The following C10orf71 variants were observed in gnomAD, a reference collection of about 807,000 sequenced individuals.
The protein encoded by C10orf71 is cardiac-enriched FHL2-interacting protein.
For synonymous variants in C10orf71, 758 were observed against 726.3 expected, an observed-to-expected ratio of 1.04 and a Z score of -0.70; for missense variants, 1,869 against 1,804.5, an observed-to-expected ratio of 1.04 and a Z score of -0.65.
At chr10:49,319,565 AC>A (rs1849055994) in intron 2 of C10orf71, among the ~76,000 whole-genome samples, 1 of 151,842 alleles carries the variant, frequency 6.6e-6, no homozygotes, top group Non-Finnish European at 1.5e-5. Flanking sequence ...ATATTTGCAC[AC>A]CTACATTTGT....
Position 49,322,570 on chromosome 10 carries a change from A to C in C10orf71, c.25A>C (p.Thr9Pro). The change falls in exon 3 of 3, where the codon ACA becomes CCA. Residue 9 changes from threonine (T) to proline (P), a missense_variant. Transcript: ENST00000374144. MMQGNKKC[T>P]DAFSDSSSIG... ...GATGATGCAAGGAAATAAGAAGTGC[A>C]CAGACGCGTTCAGCGACTCCTCCAG... 3 of 1,611,228 alleles carry C rather than the reference A, an allele frequency of 1.9e-6. No homozygotes were observed. Among genetic ancestry groups the C allele is most frequent in the Non-Finnish European group, 1.7e-6 (2 of 1,178,586 alleles).
intron 1 of C10orf71, among the ~76,000 whole-genome samples, chr10:49,313,942 C>T (rs566371885): frequency 1.4e-3 from 215 of 152,120 alleles, no homozygotes; most frequent in African/African-American, 4.6e-3. Flanking sequence ...CAATCGCCTG[C>T]GTGGTGACTG....
intron 1 of C10orf71, among the ~76,000 whole-genome samples, chr10:49,304,982 C>T (rs531243635): frequency 6.6e-6 from 1 of 152,326 alleles, no homozygotes; most frequent in South Asian, 2.1e-4. Context: ...GACTGAGGCT[C>T]ACACAAGTTA....
At chr10:49,306,339 G>A (rs956102103) in intron 1 of C10orf71, among the ~76,000 whole-genome samples, 11 of 152,204 alleles carry the variant, frequency 7.2e-5, no homozygotes, top group African/African-American at 1.7e-4. Flanking sequence ...GGGCACAGCC[G>A]GGCTGATTTT....
chr10:49,324,864 G>A lies in C10orf71; in HGVS notation c.2319G>A (p.Val773=). The part of the protein sequence containing the change: ...GDSQKDEKEN[V]MRKDELQYCA... ...GTCAGAAGGATGAGAAGGAGAATGT[G>A]ATGCGGAAGGATGAGCTGCAGTACT... Residue 773 remains valine, a synonymous_variant, in exon 3 of 3, where the codon GTG becomes GTA. Coordinates refer to ENST00000374144, the MANE Select transcript of C10orf71 (RefSeq NM_001135196.2). 6.4e-7 allele frequency: 1 copy of A among 1,551,874 alleles called. No homozygotes were observed. The highest frequency in any genetic ancestry group is 1.2e-5 in the South Asian group (1 of 84,062).
intron 1 of C10orf71, among the ~76,000 whole-genome samples, chr10:49,305,670 CAG>C (rs1274241430): frequency 4.6e-5 from 7 of 152,180 alleles, no homozygotes; most frequent in Non-Finnish European, 8.8e-5. Flanking sequence ...GACCTGCCAC[CAG>C]CGGGTGGGGT....
In C10orf71 at chr10:49,322,537, A is replaced by G; in HGVS notation, c.-9A>G. 6.3e-7 allele frequency: 1 copy of G among 1,592,124 alleles called. No homozygotes were observed. Among genetic ancestry groups the G allele is most frequent in the East Asian group, 2.3e-5 (1 of 44,368 alleles). Reference sequence around the variant, plus strand: ...CGGCTGACAAGGACAGCTTTCTTGGAGCCAACAGATGATGCAAGGAAATAA... The same window carrying G: ...CGGCTGACAAGGACAGCTTTCTTGGGGCCAACAGATGATGCAAGGAAATAA... On this transcript the variant is annotated 5_prime_UTR_variant, in exon 3 of 3. Transcript: ENST00000374144.
At position 49,322,911 on chromosome 10, in the gene C10orf71, C is replaced by A; in HGVS notation, c.366C>A (p.Val122=). The change falls in exon 3 of 3, where the codon GTC becomes GTA. Residue 122 remains valine (V), a synonymous_variant. Transcript: ENST00000374144. ...AAACCAGCCCCCCACCAACGCCAGT[C>A]CAGAGGAGACTGGAGGTGCCAGTTT... ...YPKTSPPPTP[V]QRRLEVPVSG... 6.2e-7 allele frequency: 1 copy of A among 1,613,922 alleles called. No individual in the cohort carries two copies. Among genetic ancestry groups the A allele is most frequent in the South Asian group, 1.1e-5 (1 of 91,068 alleles).
intron 1 of C10orf71, among the ~76,000 whole-genome samples, chr10:49,309,703 C>T (rs1848878020): frequency 6.6e-6 from 1 of 152,130 alleles, no homozygotes; most frequent in African/African-American, 2.4e-5. Flanking sequence ...GTGTGCTGTG[C>T]ATCTGTGGAT....
intron 2 of C10orf71, among the ~76,000 whole-genome samples, chr10:49,319,154 TA>T (rs1849047932): frequency 6.6e-6 from 1 of 152,214 alleles, no homozygotes; most frequent in Non-Finnish European, 1.5e-5. Flanking sequence ...CAATACTTGC[TA>T]TTTTATGTAA....
In C10orf71 at chr10:49,322,817, A is replaced by G. The variant is rs371937781; in HGVS notation, c.272A>G (p.Glu91Gly). The G allele has an allele frequency of 1.9e-6, 3 of 1,613,934 alleles. No homozygotes were observed. The highest frequency in any genetic ancestry group is 1.6e-4 in the Middle Eastern group (1 of 6,062). Residue 91 changes from glutamate to glycine, a missense_variant, in exon 3 of 3, where the codon GAA becomes GGA. Coordinates refer to ENST00000374144, the MANE Select transcript of C10orf71 (RefSeq NM_001135196.2). Reference protein sequence around the residue: ...IWSQLPSQGTEHSGWAATFQQ... With the variant: ...IWSQLPSQGTGHSGWAATFQQ... The stretch of plus-strand genomic sequence containing the variant: ...AGCCAGTTACCGTCACAGGGCACGG[A>G]ACATTCGGGCTGGGCGGCCACCTTC...
chr10:49,324,475 C>G lies in C10orf71; in HGVS notation c.1930C>G (p.His644Asp). ...PDSREHRPRK[H>D]LSLRLCNRDP... ...CTCCAGGGAACACCGCCCCAGGAAA[C>G]ACCTCTCCCTGAGGCTTTGCAATAG... Residue 644 changes from histidine to aspartate, a missense_variant, in exon 3 of 3, where the codon CAC becomes GAC. By Grantham distance (81) the His-to-Asp change is moderately conservative (BLOSUM62 -1). Transcript: ENST00000374144. The G allele has an allele frequency of 1.9e-6, 3 of 1,608,712 alleles. No individual in the cohort carries two copies. The highest frequency in any genetic ancestry group is 2.2e-5 in the South Asian group (2 of 90,344).
chr10:49,326,791 C>T lies in C10orf71; in HGVS notation c.4246C>T (p.Pro1416Ser), dbSNP rs759253091. 6 of 1,550,194 alleles carry T rather than the reference C, an allele frequency of 3.9e-6. No individual in the cohort carries two copies. The highest frequency in any genetic ancestry group is 3.3e-4 in the Middle Eastern group (2 of 5,994). The change falls in exon 3 of 3, where the codon CCA becomes TCA. Residue 1416 changes from proline (P) to serine (S), a missense_variant. By Grantham distance (74) the Pro-to-Ser change is moderately conservative. Coordinates refer to ENST00000374144, the MANE Select transcript of C10orf71 (RefSeq NM_001135196.2). ...QSPGEEGVEA[P>S]GLGIISTDDL... Reference sequence around the variant, plus strand: ...CCCAGGAGAGGAGGGTGTAGAAGCTCCAGGCCTGGGCATCATCTCCACTGA... The same window carrying T: ...CCCAGGAGAGGAGGGTGTAGAAGCTTCAGGCCTGGGCATCATCTCCACTGA...
At chr10:49,315,643 A>C (rs1848987902) in intron 1 of C10orf71, among the ~76,000 whole-genome samples, 1 of 152,288 alleles carries the variant, frequency 6.6e-6, no homozygotes, top group South Asian at 2.1e-4. Flanking sequence ...AATGCATATT[A>C]GAAGGGATAT....
At position 49,323,357 on chromosome 10, in the gene C10orf71, A is replaced by C. The variant is rs764373443; in HGVS notation, c.812A>C (p.His271Pro). 3 of 1,613,974 alleles carry C rather than the reference A, an allele frequency of 1.9e-6. No homozygotes were observed. The stretch of plus-strand genomic sequence containing the variant: ...GGGAGAGGCAAAGGTACCTTTCTGC[A>C]CAGTGAAAATAGTGCTTTTGAGTCA... ...EPGRGKGTFL[H>P]SENSAFESWN... The change falls in exon 3 of 3, where the codon CAC (histidine) becomes CCC (proline). Residue 271 changes from histidine (H) to proline (P), a missense_variant. Transcript: ENST00000374144.
At position 49,310,451 on chromosome 10, in the gene C10orf71, G is replaced by GGTGGTAA. The variant is rs1410637972; in HGVS notation, c.-247-5692_-247-5686dup. 1.1e-4 allele frequency among the ~76,000 whole-genome samples: 17 copies of GGTGGTAA among 152,272 alleles called. No individual in the cohort carries two copies. The East Asian group carries it at 3.3e-3, about 29-fold the overall frequency. ...GGGTTTCCTCCTGGAGAAAGCAGAA[G>GGTGGTAA]GTGGTAAGGTGGTGAGCCCAGGCTG... On this transcript the variant is annotated intron_variant, in intron 1 of 2. Transcript: ENST00000374144.
rs1377855028 is a variant in C10orf71 at position 49,323,604 on chromosome 10, T to C, written c.1059T>C (p.Asp353=). ...CATCTATACCCTGGGGGTGCAGGGA[T>C]CCAGGAGCCCAGGTATTTGCTGTGG... The part of the protein sequence containing the change: ...LSTSIPWGCR[D]PGAQVFAVEG... The change falls in exon 3 of 3, where the codon GAT becomes GAC. Residue 353 remains aspartate, a synonymous_variant. Transcript: ENST00000374144. 6.2e-7 allele frequency: 1 copy of C among 1,601,282 alleles called. No homozygotes were observed. Among genetic ancestry groups the C allele is most frequent in the Admixed American group, 1.7e-5 (1 of 57,408 alleles).
intron 1 of C10orf71, among the ~76,000 whole-genome samples, chr10:49,310,717 G>T (rs1848895563): frequency 6.6e-6 from 1 of 152,064 alleles, no homozygotes; most frequent in Admixed American, 6.5e-5. Context: ...CACTGCATTG[G>T]CTTCCTCTGA....
intron 2 of C10orf71, among the ~76,000 whole-genome samples, chr10:49,319,048 T>C (rs927199496): frequency 1.4e-4 from 21 of 152,180 alleles, no homozygotes; most frequent in Non-Finnish European, 2.9e-4. Context: ...GAATGGGAGT[T>C]CTCTGGCAGT....
Sources: gnomAD v4.1 joint callset for allele counts (sites outside exome capture counted in the v4.1 genomes callset) on GRCh38, gnomAD v4.1.1 for gene constraint, MANE v1.5 for transcripts, NCBI Gene and HGNC (gene_info 2026-07-23, HGNC 2026-07-21) for gene names.